Variants in OTUD6B observed in about 807,000 individuals in gnomAD.
The protein encoded by OTUD6B is deubiquitinase OTUD6B.
Under a neutral mutation model 36.9 loss-of-function variants are expected in OTUD6B, and 41 were observed. The ratio of observed to expected loss-of-function variants is 1.11; its 90% CI spans 0.87 to 1.44. The LOEUF is 1.44. Ranked by LOEUF, OTUD6B falls within the 40% of genes most tolerant of loss-of-function variation. The pLI is 0.00. For missense variants in OTUD6B, 356 were observed against 344.8 expected (o/e 1.03, Z -0.26); for synonymous variants, 114 against 114.2 (o/e 1.00, Z 0.01).
At chr8:91,071,389 G>A in intron 2 of OTUD6B, 100 bp downstream of exon 2, 1 of 968,930 alleles carries the variant, frequency 1.0e-6, no homozygotes, top group Non-Finnish European at 1.5e-6. Flanking sequence ...TTGAGACGGT[G>A]TCTCGCTTTG....
At chr8:91,081,418 A>T (rs759449699) in intron 5 of OTUD6B, among the ~76,000 whole-genome samples, 21 of 151,600 alleles carry the variant, frequency 1.4e-4, no homozygotes, top group Admixed American at 3.3e-4. Flanking sequence ...CCAGATGGTG[A>T]TGAAGCAGCC....
chr8:91,083,251 A>G (rs1006346536), intron 5 of OTUD6B, among the ~76,000 whole-genome samples: 5 of 152,146 alleles, frequency 3.3e-5, no homozygotes, highest in African/African-American at 1.2e-4. Flanking sequence ...AAACTTTAAA[A>G]AAATAAATAT....
intron 3 of OTUD6B, chr8:91,076,606 G>A (rs1812807319): frequency 6.5e-7 from 1 of 1,531,974 alleles, no homozygotes; most frequent in Non-Finnish European, 8.7e-7. Flanking sequence ...CTGGATAGAA[G>A]GAGCTCTCTG....
At chr8:91,083,788 TA>T in intron 5 of OTUD6B, 1 of 191,904 alleles carries the variant, frequency 5.2e-6, no homozygotes, top group Non-Finnish European at 9.6e-6. Context: ...ATTCAAAAAC[TA>T]AAACAATTCT....
chr8:91,083,273 C>G (rs1812943125), intron 5 of OTUD6B, among the ~76,000 whole-genome samples: 1 of 151,976 alleles, frequency 6.6e-6, no homozygotes, highest in Admixed American at 6.6e-5. Flanking sequence ...TTGTTCTTCC[C>G]CCTGCCCATT....
intron 3 of OTUD6B, among the ~76,000 whole-genome samples, chr8:91,077,935 A>C (rs1812832131): frequency 6.6e-6 from 1 of 152,072 alleles, no homozygotes; most frequent in Non-Finnish European, 1.5e-5. Context: ...ACCCTTTTAA[A>C]GGCTGTGTCA....
chr8:91,083,081 C>G (rs1812939519), intron 5 of OTUD6B, among the ~76,000 whole-genome samples: 1 of 151,796 alleles, frequency 6.6e-6, no homozygotes, highest in South Asian at 2.1e-4. Flanking sequence ...TGGCTTTAGG[C>G]TCTAATTTTA....
At chr8:91,076,819 G>C in intron 3 of OTUD6B, 1 of 697,304 alleles carries the variant, frequency 1.4e-6, no homozygotes, top group Non-Finnish European at 2.6e-6. Context: ...TTATGCCTCT[G>C]TGATCCACAG....
chr8:91,071,364 C>A, intron 2 of OTUD6B, 75 bp downstream of exon 2: 1 of 818,144 alleles, frequency 1.2e-6, no homozygotes, highest in Non-Finnish European at 1.8e-6. Context: ...TGTTAAACTG[C>A]TTTTTTTTTT....
At chr8:91,072,905 T>C (rs1008660328) in intron 2 of OTUD6B, among the ~76,000 whole-genome samples, 3 of 152,234 alleles carry the variant, frequency 2.0e-5, no homozygotes, top group African/African-American at 7.2e-5. Context: ...TTTAAATTGG[T>C]TTTCTTTTCT....
intron 3 of OTUD6B, among the ~76,000 whole-genome samples, chr8:91,077,105 A>C (rs1812816254): frequency 6.6e-6 from 1 of 152,028 alleles, no homozygotes; most frequent in South Asian, 2.1e-4. Flanking sequence ...CAAATCCTTC[A>C]CTGTAACTTA....
intron 5 of OTUD6B, among the ~76,000 whole-genome samples, chr8:91,081,138 A>G (rs1812898924): frequency 1.9e-5 from 2 of 107,514 alleles, no homozygotes; most frequent in African/African-American, 5.9e-5. Flanking sequence ...TTTTTACATC[A>G]GAAATGGAAA....
chr8:91,073,896 A>G lies in OTUD6B; in HGVS notation c.300A>G (p.Lys100=). 1.3e-6 allele frequency: 2 copies of G among 1,590,556 alleles called. No individual in the cohort carries two copies. The highest frequency in any genetic ancestry group is 1.7e-6 in the Non-Finnish European group (2 of 1,166,642). ...AGAATCAGCCACCTCGGATATCAAAAGCACAAAAGAGACGGGTATGAAAGT... is the reference window on the plus strand; with the variant it reads ...AGAATCAGCCACCTCGGATATCAAAGGCACAAAAGAGACGGGTATGAAAGT... The part of the protein sequence containing the change: ...VLENQPPRIS[K]AQKRREKKAA... The change falls in exon 3 of 7, where the codon AAA becomes AAG. Residue 100 remains lysine (K), a synonymous_variant. Transcript: ENST00000404789.
rs1195271616 is a variant in OTUD6B at position 91,084,035 on chromosome 8, A to G, written c.718A>G (p.Thr240Ala). Residue 240 changes from threonine to alanine, a missense_variant, in exon 6 of 7, where the codon ACA (threonine) becomes GCA (alanine). Thr to Ala is a moderately conservative substitution (Grantham distance 58). Coordinates refer to ENST00000404789, the MANE Select transcript of OTUD6B (RefSeq NM_016023.5). ...ELRALSHILQTPIEIIQADSP... is the reference protein window; with the variant it reads ...ELRALSHILQAPIEIIQADSP... ...AAGAGCTCTGTCTCACATTTTACAAACACCAATAGAGATAATACAGGCAGA... is the reference window on the plus strand; with the variant it reads ...AAGAGCTCTGTCTCACATTTTACAAGCACCAATAGAGATAATACAGGCAGA... 17 of 1,575,454 alleles carry G rather than the reference A, an allele frequency of 1.1e-5. No homozygotes were observed. The highest frequency in any genetic ancestry group is 1.5e-5 in the Non-Finnish European group (17 of 1,159,926).
intron 3 of OTUD6B, among the ~76,000 whole-genome samples, chr8:91,077,121 G>A (rs962279946): frequency 6.6e-6 from 1 of 151,924 alleles, no homozygotes; most frequent in African/African-American, 2.4e-5. Context: ...ACTTATTAAT[G>A]TCAAAATTTA....
chr8:91,072,153 T>C (rs914375569), intron 2 of OTUD6B, among the ~76,000 whole-genome samples: 8 of 152,246 alleles, frequency 5.3e-5, no homozygotes, highest in Admixed American at 1.3e-4. Flanking sequence ...CTAATATATA[T>C]GTGTCAAATA....
chr8:91,072,423 G>C (rs967207386), intron 2 of OTUD6B, among the ~76,000 whole-genome samples: 1 of 152,100 alleles, frequency 6.6e-6, no homozygotes, highest in Non-Finnish European at 1.5e-5. Flanking sequence ...TGGATATGAA[G>C]GGTCATATAG....
rs1341256033 is a variant in OTUD6B, at chr8:91,085,359, A to G, written c.*491A>G. The G allele has an allele frequency of 6.6e-6, 1 of 152,066 alleles. No individual in the cohort carries two copies. The highest frequency in any genetic ancestry group is 1.5e-5 in the Non-Finnish European group (1 of 67,990). The allele number at this position is 152,066 out of a possible 1,614,324, so 9.4% of individuals were successfully genotyped here. A position where few individuals can be genotyped will look rare whatever the true frequency, so the allele number is the denominator to read the frequency against. ...CTTGATTGCAGTAACCATGGTATCG[A>G]TGAGACTAATGCAGTGAAGCTTTAT... On this transcript the variant is annotated 3_prime_UTR_variant, in exon 7 of 7. Coordinates refer to ENST00000404789, the MANE Select transcript of OTUD6B (RefSeq NM_016023.5).
Position 91,080,674 on chromosome 8 carries a change from T to A in OTUD6B, c.634T>A (p.Phe212Ile). 6.2e-7 allele frequency: 1 copy of A among 1,600,756 alleles called. No homozygotes were observed. Among genetic ancestry groups the A allele is most frequent in the Non-Finnish European group, 8.5e-7 (1 of 1,172,720 alleles). ...TTCTGACCTAATCTCTACAGAAGAATTTCAGAAGTACTGTGAAGATATTGT... is the reference window on the plus strand; with the variant it reads ...TTCTGACCTAATCTCTACAGAAGAAATTCAGAAGTACTGTGAAGATATTGT... ...NTGDMYTPEE[F>I]QKYCEDIVNT... The change falls in exon 5 of 7, where the codon TTT becomes ATT. Residue 212 changes from phenylalanine (F) to isoleucine (I), a missense_variant. Coordinates refer to ENST00000404789, the MANE Select transcript of OTUD6B (RefSeq NM_016023.5).
Sources: allele counts gnomAD v4.1 joint callset (sites outside exome capture counted in the v4.1 genomes callset), GRCh38; gene constraint gnomAD v4.1.1; transcripts MANE v1.5; gene names NCBI Gene and HGNC (gene_info 2026-07-23, HGNC 2026-07-21).